The following ZFAND3 variants were observed in gnomAD, a reference collection of about 807,000 sequenced individuals.
The protein encoded by ZFAND3 is AN1-type zinc finger protein 3.
In ZFAND3, 10 loss-of-function variants were observed where a neutral mutation model predicts 29.6. The ratio of observed to expected loss-of-function variants is 0.34; its 90% CI spans 0.21 to 0.57. ZFAND3 has a LOEUF of 0.57. Among genes scored for constraint, ZFAND3 ranks in the 20% least tolerant of loss-of-function variants. ZFAND3 has a pLI of 0.86. For missense variants in ZFAND3, 230 were observed against 304.5 expected, an observed-to-expected ratio of 0.76 and a Z score of 1.82; for synonymous variants, 128 against 112.6, an observed-to-expected ratio of 1.14 and a Z score of -0.87.
intron 5 of ZFAND3, among the ~76,000 whole-genome samples, chr6:38,121,882 A>G (rs954381864): frequency 1.3e-5 from 2 of 152,214 alleles, no homozygotes; most frequent in Admixed American, 1.3e-4. Context: ...TTTAAGACCA[A>G]GTAAATGCTC....
intron 1 of ZFAND3, among the ~76,000 whole-genome samples, chr6:37,868,854 A>C (rs1291247025): frequency 1.3e-5 from 2 of 152,208 alleles, no homozygotes; most frequent in Non-Finnish European, 2.9e-5. Flanking sequence ...GCTTGCCTCA[A>C]AATCAGTTGT....
intron 2 of ZFAND3, among the ~76,000 whole-genome samples, chr6:37,956,179 T>C (rs1467921146): frequency 6.6e-6 from 1 of 152,166 alleles, no homozygotes; most frequent in African/African-American, 2.4e-5. Flanking sequence ...AACAAAATAA[T>C]AGAGTTGAAG....
chr6:38,006,504 C>A (rs1763051615), intron 2 of ZFAND3, among the ~76,000 whole-genome samples: 1 of 151,930 alleles, frequency 6.6e-6, no homozygotes, highest in Admixed American at 6.6e-5. Context: ...ATTATTAATG[C>A]AAGACAACCT....
At chr6:38,144,198 TATATATATATATAATATATAATATATA>T (rs1766035848) in intron 5 of ZFAND3, among the ~76,000 whole-genome samples, 3 of 40,250 alleles carry the variant, frequency 7.5e-5, no homozygotes, top group East Asian at 6.8e-4. Flanking sequence ...TATATATATA[TATATATATATATAATATATAATATATA>T]TATATATTTT....
intron 1 of ZFAND3, among the ~76,000 whole-genome samples, chr6:37,848,766 C>T (rs766669390): frequency 7.9e-5 from 12 of 151,906 alleles, no homozygotes; most frequent in Non-Finnish European, 1.6e-4. Flanking sequence ...GTTGTGTTTG[C>T]GTCTTTATGT....
intron 1 of ZFAND3, among the ~76,000 whole-genome samples, chr6:37,898,354 T>G (rs1765257951): frequency 6.6e-6 from 1 of 152,212 alleles, no homozygotes; most frequent in Admixed American, 6.5e-5. Flanking sequence ...TCTGTTCCAT[T>G]GGTCTGTTTG....
At chr6:37,980,214 GTC>G (rs1762556861) in intron 2 of ZFAND3, among the ~76,000 whole-genome samples, 1 of 144,536 alleles carries the variant, frequency 6.9e-6, no homozygotes, top group South Asian at 2.2e-4. Context: ...TGTAATTTTT[GTC>G]TGTTTTTATT....
intron 4 of ZFAND3, among the ~76,000 whole-genome samples, chr6:38,103,858 C>T (rs1765157203): frequency 6.6e-6 from 1 of 152,098 alleles, no homozygotes; most frequent in African/African-American, 2.4e-5. Context: ...TTCGGTACTC[C>T]ACTGATGCTA....
intron 2 of ZFAND3, among the ~76,000 whole-genome samples, chr6:38,045,999 G>C (rs1185654619): frequency 3.3e-5 from 5 of 152,170 alleles, no homozygotes; most frequent in African/African-American, 1.2e-4. Context: ...TTCAAAAAGT[G>C]TTTTTTACAT....
intron 1 of ZFAND3, among the ~76,000 whole-genome samples, chr6:37,909,414 G>A (rs1765479120): frequency 6.6e-6 from 1 of 151,620 alleles, no homozygotes; most frequent in Non-Finnish European, 1.5e-5. Flanking sequence ...CTAGTAGCTG[G>A]GACTACAGAT....
intron 1 of ZFAND3, among the ~76,000 whole-genome samples, chr6:37,926,000 A>G (rs1016669221): frequency 2.0e-5 from 3 of 152,224 alleles, no homozygotes; most frequent in African/African-American, 7.2e-5. Context: ...AATGAAAAGT[A>G]GAGGTAATGA....
At chr6:38,116,486 C>T (rs1765419861) in intron 4 of ZFAND3, 86 bp from the exon 5 acceptor site, 3 of 1,477,500 alleles carry the variant, frequency 2.0e-6, no homozygotes, top group Non-Finnish European at 2.8e-6. Context: ...GTAGCCTGGT[C>T]AGGAGAATGC....
intron 2 of ZFAND3, among the ~76,000 whole-genome samples, chr6:37,981,378 A>G (rs1218355078): frequency 1.3e-5 from 2 of 152,210 alleles, no homozygotes; most frequent in African/African-American, 4.8e-5. Flanking sequence ...GATTTGGACT[A>G]AGTGATGCTG....
At chr6:37,912,270 G>A (rs750217828) in intron 1 of ZFAND3, among the ~76,000 whole-genome samples, 19 of 152,048 alleles carry the variant, frequency 1.2e-4, no homozygotes, top group East Asian at 5.8e-4. Context: ...TAATACTTCC[G>A]CCAGAGTCTT....
chr6:38,044,329 A>G (rs545724787), intron 2 of ZFAND3, among the ~76,000 whole-genome samples: 14 of 152,134 alleles, frequency 9.2e-5, no homozygotes, highest in African/African-American at 2.6e-4. Flanking sequence ...TTTAAAAAAC[A>G]TATTGCTGGA....
intron 4 of ZFAND3, among the ~76,000 whole-genome samples, chr6:38,102,780 A>G (rs57564251): frequency 0.068 from 10,396 of 152,208 alleles, 426 homozygotes; most frequent in Non-Finnish European, 0.087. Context: ...TTTTTGAGGC[A>G]GAGTCTTGCT....
intron 2 of ZFAND3, among the ~76,000 whole-genome samples, chr6:38,001,515 T>A (rs952643321): frequency 3.3e-5 from 5 of 152,248 alleles, no homozygotes; most frequent in African/African-American, 1.2e-4. Context: ...CAGAGCAACA[T>A]AAACTCTATT....
chr6:37,824,055 C>T (rs777778706), intron 1 of ZFAND3, among the ~76,000 whole-genome samples: 3 of 152,190 alleles, frequency 2.0e-5, no homozygotes, highest in Non-Finnish European at 4.4e-5. Context: ...GGATTACCGG[C>T]GTGAGCCACC....
chr6:37,996,508 A>C (rs988820782), intron 2 of ZFAND3, among the ~76,000 whole-genome samples: 6 of 152,146 alleles, frequency 3.9e-5, no homozygotes, highest in Non-Finnish European at 7.4e-5. Context: ...CTTTTATCCA[A>C]CATTTCCTGA....
Sources: allele counts gnomAD v4.1 joint callset (sites outside exome capture counted in the v4.1 genomes callset), GRCh38; gene constraint gnomAD v4.1.1; transcripts MANE v1.5; gene names NCBI Gene and HGNC (gene_info 2026-07-23, HGNC 2026-07-21).